MON2: variants seen among roughly 807,000 people sequenced by gnomAD.
MON2 encodes the protein MON2 regulator of endosome-to-Golgi trafficking.
In MON2, 84 loss-of-function variants were observed where a neutral mutation model predicts 208.6. The ratio of observed to expected loss-of-function variants is 0.40; its 90% CI spans 0.34 to 0.48. The LOEUF is 0.48. Among genes scored for constraint, MON2 ranks in the 20% least tolerant of loss-of-function variants. MON2 has a pLI of 0.59. For synonymous variants in MON2, 660 were observed against 694.0 expected, an observed-to-expected ratio of 0.95 and a Z score of 0.77; for missense variants, 1,611 against 2,015.4, an observed-to-expected ratio of 0.80 and a Z score of 3.84.
Position 62,524,644 on chromosome 12 carries a change from A to G in MON2, c.1109+5A>G. On this transcript the variant is annotated splice_donor_5th_base_variant and intron_variant, in intron 9 of 34. Coordinates refer to ENST00000393630, the MANE Select transcript of MON2 (RefSeq NM_015026.3). ...TGTGCAGCCTCAACTATTAAGGTAA[A>G]ACCTCAGCAATAGTTTGTTAAATAG... The G allele has an allele frequency of 6.2e-7, 1 of 1,611,574 alleles. No homozygotes were observed. The highest frequency in any genetic ancestry group is 1.3e-5 in the African/African-American group (1 of 74,978).
intron 28 of MON2, 78 bp from the exon 29 acceptor site, chr12:62,566,244 A>T (rs557072108): frequency 2.0e-6 from 3 of 1,516,466 alleles, no homozygotes; most frequent in African/African-American, 1.4e-5. Flanking sequence ...TAAGACAAAG[A>T]TGCTTTCTCT....
At chr12:62,511,036 T>C (rs779136187) in intron 8 of MON2, among the ~76,000 whole-genome samples, 1 of 152,166 alleles carries the variant, frequency 6.6e-6, no homozygotes, top group Non-Finnish European at 1.5e-5. Context: ...TAAAAATACT[T>C]AGGCATAAAC....
intron 30 of MON2, among the ~76,000 whole-genome samples, chr12:62,575,071 A>C (rs1381780842): frequency 6.6e-6 from 1 of 152,066 alleles, no homozygotes; most frequent in African/African-American, 2.4e-5. Flanking sequence ...GATTGCAGTG[A>C]GCTGTGACTG....
In MON2 at chr12:62,598,791, T is replaced by C. The variant is rs867920981; in HGVS notation, c.*6042T>C. 6.6e-6 allele frequency: 1 copy of C among 152,186 alleles called. No individual in the cohort carries two copies. The highest frequency in any genetic ancestry group is 1.5e-5 in the Non-Finnish European group (1 of 68,016). The allele number at this position is 152,186 out of a possible 1,614,324, so 9.4% of individuals were successfully genotyped here. ...TGGCCTCAAACCCAAATTTTCTTTG[T>C]AGTCTAGGATAGATTTTTCATGAAA... On this transcript the variant is annotated 3_prime_UTR_variant, in exon 35 of 35. Coordinates refer to ENST00000393630, the MANE Select transcript of MON2 (RefSeq NM_015026.3).
At chr12:62,495,421 T>G in intron 4 of MON2, among the ~76,000 whole-genome samples, 1 of 149,886 alleles carries the variant, frequency 6.7e-6, no homozygotes, top group Non-Finnish European at 1.5e-5. Context: ...AGCCCAAGAG[T>G]AAGAATAGGG....
intron 12 of MON2, among the ~76,000 whole-genome samples, chr12:62,533,831 A>G (rs1462778440): frequency 1.3e-5 from 2 of 152,176 alleles, no homozygotes; most frequent in African/African-American, 2.4e-5. Context: ...CTGTTTCTCT[A>G]TATTGAATTA....
At chr12:62,575,982 T>G (rs1036247815) in intron 30 of MON2, among the ~76,000 whole-genome samples, 1 of 152,148 alleles carries the variant, frequency 6.6e-6, no homozygotes, top group Non-Finnish European at 1.5e-5. Flanking sequence ...ACACAAAAAC[T>G]TGTACACTAA....
intron 8 of MON2, among the ~76,000 whole-genome samples, chr12:62,518,845 A>G (rs2071845312): frequency 1.3e-5 from 2 of 152,316 alleles, no homozygotes; most frequent in South Asian, 4.1e-4. Flanking sequence ...GTAATTCCTC[A>G]GTATTGTAAT....
chr12:62,562,401 A>G (rs1052442222), intron 26 of MON2, among the ~76,000 whole-genome samples: 4 of 152,014 alleles, frequency 2.6e-5, no homozygotes, highest in Admixed American at 2.0e-4. Context: ...ACTACTAGTA[A>G]TTTGTTCAGA....
At chr12:62,591,408 C>T (rs1432265500) in intron 34 of MON2, among the ~76,000 whole-genome samples, 1 of 152,082 alleles carries the variant, frequency 6.6e-6, no homozygotes, top group Non-Finnish European at 1.5e-5. Flanking sequence ...AGCATTTTTC[C>T]AAGATATGTA....
At chr12:62,515,878 C>G (rs1270910596) in intron 8 of MON2, among the ~76,000 whole-genome samples, 1 of 151,806 alleles carries the variant, frequency 6.6e-6, no homozygotes, top group East Asian at 1.9e-4. Context: ...TGATACTACT[C>G]AACTGTACAC....
chr12:62,507,016 A>G lies in MON2; in HGVS notation c.790-1270A>G, dbSNP rs150992899. 4.4e-3 allele frequency among the ~76,000 whole-genome samples: 671 copies of G among 152,346 alleles called. 7 individuals are homozygous for G. Among genetic ancestry groups the G allele is most frequent in the African/African-American group, 0.015 (623 of 41,572 alleles). On this transcript the variant is annotated intron_variant, in intron 7 of 34. Coordinates refer to ENST00000393630, the MANE Select transcript of MON2 (RefSeq NM_015026.3). ...GCTTTCTTTATGATATACCATGGCT[A>G]TAAGTAAAATTTAAGAATTATTTGC...
At chr12:62,534,543 A>ATATATATATATATATATTT (rs2072849725) in intron 12 of MON2, among the ~76,000 whole-genome samples, 2 of 21,916 alleles carry the variant, frequency 9.1e-5, no homozygotes, top group African/African-American at 1.9e-4. Context: ...AAAAAAAAAA[A>ATATATATATATATATATTT]TATATATATA....
chr12:62,478,391 A>C (rs2069210001), intron 1 of MON2, among the ~76,000 whole-genome samples: 1 of 152,214 alleles, frequency 6.6e-6, no homozygotes, highest in Non-Finnish European at 1.5e-5. Context: ...AAGACTTTTC[A>C]GTAGTTACCG....
intron 22 of MON2, among the ~76,000 whole-genome samples, chr12:62,549,273 A>T (rs1266950089): frequency 6.6e-6 from 1 of 152,104 alleles, no homozygotes; most frequent in Non-Finnish European, 1.5e-5. Flanking sequence ...ATTCTGAAAT[A>T]AAATTTTACT....
intron 8 of MON2, among the ~76,000 whole-genome samples, chr12:62,513,071 G>A (rs114369690): frequency 0.032 from 4,918 of 152,242 alleles, 287 homozygotes; most frequent in African/African-American, 0.11. Context: ...TTCCTCATAG[G>A]CCTCTGGATC....
At position 62,598,058 on chromosome 12, in the gene MON2, C is replaced by T. The variant is rs2075562233; in HGVS notation, c.*5309C>T. The T allele has an allele frequency of 1.3e-5, 2 of 152,048 alleles. No homozygotes were observed. The highest frequency in any genetic ancestry group is 4.2e-4 in the South Asian group (2 of 4,818). The allele number at this position is 152,048 out of a possible 1,614,324, so 9.4% of individuals were successfully genotyped here. A position where few individuals can be genotyped will look rare whatever the true frequency, so the allele number is the denominator to read the frequency against. ...AGAATAATTTGAGGCAGCATATTGC[C>T]CATGTATTTCAACTATTTTCATTTT... On this transcript the variant is annotated 3_prime_UTR_variant, in exon 35 of 35. Coordinates refer to ENST00000393630, the MANE Select transcript of MON2 (RefSeq NM_015026.3).
chr12:62,498,655 G>T (rs2070672430), intron 4 of MON2, among the ~76,000 whole-genome samples: 1 of 152,066 alleles, frequency 6.6e-6, no homozygotes, highest in Non-Finnish European at 1.5e-5. Flanking sequence ...TCATTCTGGG[G>T]AAATAAAAGC....
intron 23 of MON2, among the ~76,000 whole-genome samples, chr12:62,552,272 A>T (rs1412489064): frequency 6.6e-6 from 1 of 152,122 alleles, no homozygotes; most frequent in Non-Finnish European, 1.5e-5. Context: ...TCCCATTTTT[A>T]CATGGGAAAA....
Sources: allele counts gnomAD v4.1 joint callset (sites outside exome capture counted in the v4.1 genomes callset), GRCh38; gene constraint gnomAD v4.1.1; transcripts MANE v1.5; gene names NCBI Gene and HGNC (gene_info 2026-07-23, HGNC 2026-07-21).